SH3GLB1: variants seen among roughly 807,000 people sequenced by gnomAD.
The protein encoded by SH3GLB1 is endophilin-B1.
A neutral mutation model predicts 42.0 loss-of-function variants in SH3GLB1; 17 were observed. The ratio of observed to expected loss-of-function variants is 0.40; its 90% CI spans 0.28 to 0.61. The LOEUF is 0.61. Among genes scored for constraint, SH3GLB1 ranks in the 20% least tolerant of loss-of-function variants. SH3GLB1 has a pLI of 0.36. For missense variants in SH3GLB1, 355 were observed against 426.3 expected (o/e 0.83, Z 1.47); for synonymous variants, 132 against 146.6 (o/e 0.90, Z 0.72).
chr1:86,704,608 G>T lies in SH3GLB1; in HGVS notation c.-292G>T, dbSNP rs1239838855. The T allele has an allele frequency of 3.4e-6, 1 of 292,244 alleles. No individual in the cohort carries two copies. Among genetic ancestry groups the T allele is most frequent in the Non-Finnish European group, 6.5e-6 (1 of 154,150 alleles). 18.1% of individuals were successfully genotyped at this position (292,244 alleles called of 1,614,324 possible). On this transcript the variant is annotated 5_prime_UTR_variant, in exon 1 of 9. Transcript: ENST00000370558. ...CCTTGGGACCCGGGTCCACACGGCG[G>T]GGTCGCCCGTCCATCTCCGGCTCGC...
intron 5 of SH3GLB1, among the ~76,000 whole-genome samples, chr1:86,730,561 A>G (rs1176115534): frequency 6.6e-6 from 1 of 151,798 alleles, no homozygotes; most frequent in Non-Finnish European, 1.5e-5. Context: ...GTGCAGTGGC[A>G]CAGTCACAGC....
chr1:86,707,487 G>A (rs971901647), intron 1 of SH3GLB1, among the ~76,000 whole-genome samples: 3 of 152,126 alleles, frequency 2.0e-5, no homozygotes, highest in African/African-American at 4.8e-5. Flanking sequence ...AGAAAGATGA[G>A]TTAAGGATGA....
chr1:86,740,416 A>G (rs945329502), intron 7 of SH3GLB1, among the ~76,000 whole-genome samples: 3 of 152,240 alleles, frequency 2.0e-5, no homozygotes, highest in African/African-American at 7.2e-5. Context: ...TTCTCCTGTT[A>G]AAGTAGATGC....
chr1:86,704,875 CG>C lies in SH3GLB1; in HGVS notation c.-23del. The C allele has an allele frequency of 6.5e-7, 1 of 1,534,148 alleles. No homozygotes were observed. The highest frequency in any genetic ancestry group is 8.8e-7 in the Non-Finnish European group (1 of 1,138,642). Reference sequence around the variant, plus strand: ...TCCGCCTCGCCGCCGCTAGGTCGGCCGGCTCCGCCCGGCTGCCGCCTAGGAT... The same window carrying C: ...TCCGCCTCGCCGCCGCTAGGTCGGCCGCTCCGCCCGGCTGCCGCCTAGGAT... On this transcript the variant is annotated 5_prime_UTR_variant, in exon 1 of 9. Coordinates refer to ENST00000370558, the MANE Select transcript of SH3GLB1 (RefSeq NM_016009.5).
At chr1:86,706,813 T>G (rs1282255849) in intron 1 of SH3GLB1, among the ~76,000 whole-genome samples, 1 of 152,220 alleles carries the variant, frequency 6.6e-6, no homozygotes, top group Non-Finnish European at 1.5e-5. Context: ...TTAGTCTGAT[T>G]TAAATTGTGG....
chr1:86,719,577 A>G lies in SH3GLB1; in HGVS notation c.285A>G (p.Glu95=). ...RKAPSRINNP[E]LLGQYMIDAG... ...CTCCAAGTCGTATAAACAACCCAGA[A>G]CTTTTGGGACAATATATGATTGATG... The change falls in exon 3 of 9, where the codon GAA becomes GAG. Residue 95 remains glutamate (E), a synonymous_variant. Transcript: ENST00000370558. The G allele has an allele frequency of 6.2e-7, 1 of 1,611,566 alleles. No homozygotes were observed. Among genetic ancestry groups the G allele is most frequent in the Non-Finnish European group, 8.5e-7 (1 of 1,178,748 alleles).
rs1315102653 is a variant in SH3GLB1, at chr1:86,746,057, A to C, written c.*2822A>C. On this transcript the variant is annotated 3_prime_UTR_variant, in exon 9 of 9. Coordinates refer to ENST00000370558, the MANE Select transcript of SH3GLB1 (RefSeq NM_016009.5). ...TGCTAATCAGAAAAATTGATGTTGC[A>C]AGAAATGAGGTCTCAAAAATGGGAA... is the stretch of plus-strand genomic sequence containing the variant. 6.6e-6 allele frequency: 1 copy of C among 152,630 alleles called. No homozygotes were observed. Among genetic ancestry groups the C allele is most frequent in the Non-Finnish European group, 1.5e-5 (1 of 68,038 alleles). The allele number at this position is 152,630 out of a possible 1,614,324, so 9.5% of individuals were successfully genotyped here.
chr1:86,714,598 A>G (rs1654403180), intron 1 of SH3GLB1, among the ~76,000 whole-genome samples: 1 of 152,186 alleles, frequency 6.6e-6, no homozygotes, highest in African/African-American at 2.4e-5. Flanking sequence ...AATAACCTGA[A>G]AGTATTAAAC....
chr1:86,716,258 T>TTTTGTTTG (rs534830553), intron 2 of SH3GLB1, among the ~76,000 whole-genome samples: 1 of 123,516 alleles, frequency 8.1e-6, no homozygotes, highest in African/African-American at 3.6e-5. Flanking sequence ...TGGTGTGTTT[T>TTTTGTTTG]TTTGTTTGTT....
At chr1:86,723,745 T>A in intron 4 of SH3GLB1, among the ~76,000 whole-genome samples, 1 of 152,204 alleles carries the variant, frequency 6.6e-6, no homozygotes, top group East Asian at 1.9e-4. Context: ...CTATGACACA[T>A]TAAGTGCAGC....
At chr1:86,742,153 A>G in intron 7 of SH3GLB1, 55 bp from the exon 8 acceptor site, 2 of 1,367,106 alleles carry the variant, frequency 1.5e-6, no homozygotes, top group Non-Finnish European at 1.0e-6. Flanking sequence ...GAGTGGTGGT[A>G]TTAAGGAGCT....
chr1:86,724,271 T>C (rs780554138), intron 4 of SH3GLB1, 42 bp from the exon 5 acceptor site: 1 of 1,379,114 alleles, frequency 7.3e-7, no homozygotes, highest in Middle Eastern at 2.3e-4. Flanking sequence ...TAACAGAATT[T>C]TAGCATCTTT....
chr1:86,729,339 T>G (rs747366340), intron 5 of SH3GLB1, among the ~76,000 whole-genome samples: 3 of 152,150 alleles, frequency 2.0e-5, no homozygotes, highest in Non-Finnish European at 4.4e-5. Flanking sequence ...TAGGAAAGAT[T>G]ATTGTACAGA....
At position 86,719,560 on chromosome 1, in the gene SH3GLB1, C is replaced by G. The variant is rs778164999; in HGVS notation, c.268C>G (p.Arg90Gly). 1.2e-6 allele frequency: 2 copies of G among 1,610,284 alleles called. No homozygotes were observed. The highest frequency in any genetic ancestry group is 2.7e-5 in the African/African-American group (2 of 74,634). ...GAAACTGGATAGAAAAGCTCCAAGT[C>G]GTATAAACAACCCAGAACTTTTGGG... ...YEKLDRKAPS[R>G]INNPELLGQY... The change falls in exon 3 of 9, where the codon CGT becomes GGT. Residue 90 changes from arginine (R) to glycine (G), a missense_variant. Coordinates refer to ENST00000370558, the MANE Select transcript of SH3GLB1 (RefSeq NM_016009.5).
intron 1 of SH3GLB1, among the ~76,000 whole-genome samples, chr1:86,711,184 T>A (rs1307583298): frequency 6.6e-6 from 1 of 152,120 alleles, no homozygotes; most frequent in Non-Finnish European, 1.5e-5. Context: ...GTGATTAGAG[T>A]TTGCATTAAA....
In SH3GLB1 at chr1:86,747,797, C is replaced by G. The variant is rs967792387; in HGVS notation, c.*4562C>G. 1 of 152,214 alleles carries G rather than the reference C, an allele frequency of 6.6e-6. No individual in the cohort carries two copies. The highest frequency in any genetic ancestry group is 1.5e-5 in the Non-Finnish European group (1 of 68,040). The allele number at this position is 152,214 out of a possible 1,614,324, so 9.4% of individuals were successfully genotyped here. On this transcript the variant is annotated 3_prime_UTR_variant, in exon 9 of 9. Coordinates refer to ENST00000370558, the MANE Select transcript of SH3GLB1 (RefSeq NM_016009.5). ...GCCTCTTAGATTGCTAAGTTCTGCT[C>G]TCATTCTTACTTCAAAGGACACTTT...
At position 86,708,809 on chromosome 1, in the gene SH3GLB1, A is replaced by C. The variant is rs911493775; in HGVS notation, c.72+3838A>C. Among the ~76,000 whole-genome samples the C allele has an allele frequency of 4.1e-4, 63 of 152,264 alleles. 1 individual carries two copies. The highest frequency in any genetic ancestry group is 1.5e-4 in the Non-Finnish European group (10 of 68,014). On this transcript the variant is annotated intron_variant, in intron 1 of 8. Transcript: ENST00000370558. ...GTTGAGCATTAAATACTCCCTTACA[A>C]TCTGGTCCTTTCTCTCACTTATATA...
intron 2 of SH3GLB1, among the ~76,000 whole-genome samples, chr1:86,717,753 G>A (rs1251475659): frequency 1.3e-5 from 2 of 152,086 alleles, no homozygotes; most frequent in East Asian, 3.9e-4. Flanking sequence ...CATAGGTTTT[G>A]AGCAGCCAAA....
intron 5 of SH3GLB1, among the ~76,000 whole-genome samples, chr1:86,733,090 T>C (rs1239435620): frequency 1.3e-5 from 2 of 152,174 alleles, no homozygotes; most frequent in East Asian, 3.8e-4. Flanking sequence ...GAACATTGCT[T>C]CTTTTTTTCT....
Sources: gnomAD v4.1 joint callset for allele counts (sites outside exome capture counted in the v4.1 genomes callset) on GRCh38, gnomAD v4.1.1 for gene constraint, MANE v1.5 for transcripts, NCBI Gene and HGNC (gene_info 2026-07-23, HGNC 2026-07-21) for gene names.